The following RGS5 variants were observed in gnomAD, a reference collection of about 807,000 sequenced individuals.
RGS5 encodes regulator of G protein signaling 5, also known as regulator of G-protein signalling 5.
A neutral mutation model predicts 18.9 loss-of-function variants in RGS5; 20 were observed. The ratio of observed to expected loss-of-function variants is 1.06; its 90% CI spans 0.74 to 1.54. RGS5 has a LOEUF of 1.54. Among genes scored for constraint, RGS5 ranks in the 40% most tolerant of loss-of-function variants. The pLI is 0.00. For missense variants in RGS5, 201 were observed against 211.8 expected (o/e 0.95, Z 0.32); for synonymous variants, 57 against 76.2 (o/e 0.75, Z 1.31).
At chr1:163,261,213 A>G (rs6692465) in intron 2 of RGS5, among the ~76,000 whole-genome samples, 43,837 of 152,042 alleles carry the variant, frequency 0.29, 6,468 homozygotes, top group Non-Finnish European at 0.32. Context: ...GGCCAAGACT[A>G]GTAGGGATGC....
In RGS5 at chr1:163,147,267, T is replaced by C. The variant is rs1657167112; in HGVS notation, c.*75A>G. 6.9e-6 allele frequency: 10 copies of C among 1,449,258 alleles called. No homozygotes were observed. Among genetic ancestry groups the C allele is most frequent in the East Asian group, 2.4e-5 (1 of 40,974 alleles). The allele number at this position is 1,449,258 out of a possible 1,614,324, so 89.8% of individuals were successfully genotyped here. A position where few individuals can be genotyped will look rare whatever the true frequency, so the allele number is the denominator to read the frequency against. ...TGAGCAAAGCTGCTGTGGGAAGATA[T>C]GTAGATTAATGGGAAATGCAGGGTT... On this transcript the variant is annotated 3_prime_UTR_variant, in exon 5 of 5. Transcript: ENST00000313961.
intron 2 of RGS5, among the ~76,000 whole-genome samples, chr1:163,167,889 T>A (rs1487980786): frequency 6.6e-6 from 1 of 152,186 alleles, no homozygotes; most frequent in Non-Finnish European, 1.5e-5. Flanking sequence ...CCAGGGCTCA[T>A]AATTAACTGG....
At chr1:163,182,770 T>A (rs1253987155) in intron 1 of RGS5, among the ~76,000 whole-genome samples, 1 of 152,164 alleles carries the variant, frequency 6.6e-6, no homozygotes, top group Non-Finnish European at 1.5e-5. Flanking sequence ...TCAGAAGGGA[T>A]TCCCATGAGA....
At chr1:163,289,677 T>C (rs928842807) in intron 2 of RGS5, among the ~76,000 whole-genome samples, 21 of 152,208 alleles carry the variant, frequency 1.4e-4, no homozygotes, top group Admixed American at 1.4e-3. Flanking sequence ...TTAATTTATC[T>C]TTTAGGTCCC....
intron 2 of RGS5, among the ~76,000 whole-genome samples, chr1:163,243,417 C>T (rs1296123387): frequency 6.6e-6 from 1 of 151,834 alleles, no homozygotes; most frequent in East Asian, 1.9e-4. Context: ...GGAGGCCGAG[C>T]GGGGTGGATC....
At chr1:163,283,331 G>A (rs1649043776) in intron 2 of RGS5, among the ~76,000 whole-genome samples, 1 of 152,086 alleles carries the variant, frequency 6.6e-6, no homozygotes, top group African/African-American at 2.4e-5. Context: ...AATGTTCAAG[G>A]TGATAAATAT....
upstream of RGS5, among the ~76,000 whole-genome samples, chr1:163,220,498 A>G (rs1647206415): frequency 6.6e-6 from 1 of 152,090 alleles, no homozygotes; most frequent in African/African-American, 2.4e-5. Flanking sequence ...TACATCTTTG[A>G]CAGTTTCAAA....
At chr1:163,248,705 G>A (rs1389740777) in intron 2 of RGS5, 2 of 152,244 alleles carry the variant, frequency 1.3e-5, no homozygotes, top group Admixed American at 6.5e-5. Flanking sequence ...ACTCTAATAG[G>A]TCTAGAAAGA....
rs542329373 is a variant in RGS5, at chr1:163,256,523, G to A, written c.-281+49710C>T. 4.6e-5 allele frequency among the ~76,000 whole-genome samples: 7 copies of A among 152,268 alleles called. No individual in the cohort carries two copies. In the South Asian group the frequency reaches 1.0e-3, roughly 23 times the overall value. On this transcript the variant is annotated intron_variant, in intron 2 of 5. Coordinates refer to the RGS5 transcript ENST00000618415. ...GATTTATTAATCATTTGGCAGATAC[G>A]CATTCATCCAGTAAGAAGAGTATCA...
intron 1 of RGS5, among the ~76,000 whole-genome samples, chr1:163,195,057 CT>C (rs780254456): frequency 6.6e-6 from 1 of 152,124 alleles, no homozygotes; most frequent in Non-Finnish European, 1.5e-5. Flanking sequence ...AAAAGTAGAA[CT>C]ACCATTTGAT....
chr1:163,206,371 C>A (rs1167026626), upstream of RGS5, among the ~76,000 whole-genome samples: 1 of 151,224 alleles, frequency 6.6e-6, no homozygotes, highest in Non-Finnish European at 1.5e-5. Context: ...GTTTATGTTG[C>A]TTTTTGATTT....
At chr1:163,289,680 T>C (rs1032224408) in intron 2 of RGS5, among the ~76,000 whole-genome samples, 2 of 152,194 alleles carry the variant, frequency 1.3e-5, no homozygotes, top group Non-Finnish European at 2.9e-5. Flanking sequence ...ATTTATCTTT[T>C]AGGTCCCTTC....
intron 2 of RGS5, among the ~76,000 whole-genome samples, chr1:163,247,330 T>C (rs780457100): frequency 1.3e-5 from 2 of 152,174 alleles, no homozygotes; most frequent in Non-Finnish European, 2.9e-5. Context: ...TTGTTGAGCT[T>C]TCAAGGTTTT....
At chr1:163,277,057 C>G (rs977826087) in intron 2 of RGS5, among the ~76,000 whole-genome samples, 7 of 152,186 alleles carry the variant, frequency 4.6e-5, no homozygotes, top group Admixed American at 3.3e-4. Context: ...GTCTCTGAAG[C>G]CTGCTACCAG....
chr1:163,306,975 G>A (rs1649717522), intron 1 of RGS5, among the ~76,000 whole-genome samples: 1 of 152,142 alleles, frequency 6.6e-6, no homozygotes, highest in Non-Finnish European at 1.5e-5. Flanking sequence ...CCTAGTTGGT[G>A]ATACTTGTTA....
intron 2 of RGS5, among the ~76,000 whole-genome samples, chr1:163,234,934 T>C (rs1042775559): frequency 6.6e-5 from 10 of 152,120 alleles, no homozygotes; most frequent in African/African-American, 1.9e-4. Flanking sequence ...TTCCAAAAGA[T>C]TGGAGGTAGA....
rs753832247 is a variant in RGS5, at chr1:163,152,694, A to T, written c.240T>A (p.Ser80Arg). The change falls in exon 4 of 5, where the codon AGT becomes AGA. Residue 80 changes from serine (S) to arginine (R), a missense_variant. Coordinates refer to ENST00000313961, the MANE Select transcript of RGS5 (RefSeq NM_003617.4). ...QNNYGLASFK[S>R]FLKSEFSEEN... ...CCTCACTGAATTCAGACTTCAGGAA[A>T]CTTTTGAAACTGGCAAGTCCATCTG... The T allele has an allele frequency of 3.8e-6, 6 of 1,597,002 alleles. No homozygotes were observed. Among genetic ancestry groups the T allele is most frequent in the Admixed American group, 3.5e-5 (2 of 56,456 alleles).
intron 2 of RGS5, among the ~76,000 whole-genome samples, chr1:163,263,316 T>G (rs1648500061): frequency 6.6e-6 from 1 of 152,074 alleles, no homozygotes; most frequent in Non-Finnish European, 1.5e-5. Flanking sequence ...ATTCAAGGAG[T>G]GTTGCTTCTT....
intron 3 of RGS5, among the ~76,000 whole-genome samples, chr1:163,160,118 C>T (rs946991011): frequency 6.6e-6 from 1 of 152,116 alleles, no homozygotes; most frequent in African/African-American, 2.4e-5. Flanking sequence ...CTCTCTGTCT[C>T]CTAAAAGCCT....
Sources: allele counts gnomAD v4.1 joint callset (sites outside exome capture counted in the v4.1 genomes callset), GRCh38; gene constraint gnomAD v4.1.1; transcripts MANE v1.5; gene names NCBI Gene and HGNC (gene_info 2026-07-23, HGNC 2026-07-21).